BRWD1: variants seen among roughly 807,000 people sequenced by gnomAD.
The protein encoded by BRWD1 is bromodomain and WD repeat-containing protein 1.
BRWD1 carries 82 observed loss-of-function variants against 251.2 expected under a neutral mutation model. The observed-to-expected ratio is 0.33, with a 90% CI of 0.27 to 0.39. The LOEUF is 0.39. Ranked by LOEUF, BRWD1 falls within the 10% of genes least tolerant of loss-of-function variation. The pLI is 1.00. For missense variants in BRWD1, 2,233 were observed against 2,711.6 expected (o/e 0.82, Z 3.92); for synonymous variants, 918 against 902.8 (o/e 1.02, Z -0.30).
upstream of BRWD1, among the ~76,000 whole-genome samples, chr21:39,317,876 C>T (rs1321471811): frequency 6.6e-6 from 1 of 152,008 alleles, no homozygotes; most frequent in Non-Finnish European, 1.5e-5. Context: ...TAGTGAGACC[C>T]TCTCTCTACA....
rs568631309 is a variant in BRWD1 at position 39,313,430 on chromosome 21, C to G, written c.49+13G>C. 1.4e-6 allele frequency: 2 copies of G among 1,428,272 alleles called. No homozygotes were observed. Among genetic ancestry groups the G allele is most frequent in the South Asian group, 2.9e-5 (2 of 68,350 alleles). 88.5% of individuals were successfully genotyped at this position (1,428,272 alleles called of 1,614,324 possible). A position where few individuals can be genotyped will look rare whatever the true frequency, so the allele number is the denominator to read the frequency against. ...GAGCGCCAGGGCGGGGGTGGCACGG[C>G]CTCGCGTCTTACCCGACTCGATGAG... is the stretch of plus-strand genomic sequence containing the variant. On this transcript the variant is annotated intron_variant, in intron 1 of 40. Coordinates refer to ENST00000342449, the MANE Select transcript of BRWD1 (RefSeq NM_033656.4).
At chr21:39,238,821 A>C (rs913853555) in intron 21 of BRWD1, among the ~76,000 whole-genome samples, 1 of 152,242 alleles carries the variant, frequency 6.6e-6, no homozygotes, top group African/African-American at 2.4e-5. Context: ...AAAGAAAGTG[A>C]TACAACAGGC....
intron 4 of BRWD1, 59 bp downstream of exon 4, chr21:39,312,782 G>A: frequency 5.6e-6 from 8 of 1,425,572 alleles, no homozygotes; most frequent in Non-Finnish European, 6.8e-6. Flanking sequence ...CGAGGGGAAG[G>A]GGCGGGGGCG....
chr21:39,233,493 T>G (rs557009138), intron 23 of BRWD1, among the ~76,000 whole-genome samples: 1 of 152,086 alleles, frequency 6.6e-6, no homozygotes, highest in South Asian at 2.1e-4. Context: ...GAGACAAGTA[T>G]GAAGACAGAC....
intron 26 of BRWD1, 48 bp from the exon 27 acceptor site, chr21:39,228,630 T>G (rs375381901): frequency 3.6e-6 from 4 of 1,108,318 alleles, no homozygotes; most frequent in Non-Finnish European, 5.5e-6. Context: ...TAGCAGGTTA[T>G]ATAGTCTAAA....
chr21:39,269,075 G>A (rs529529642), intron 15 of BRWD1, among the ~76,000 whole-genome samples: 2 of 152,152 alleles, frequency 1.3e-5, no homozygotes, highest in South Asian at 4.2e-4. Flanking sequence ...CTGGATTCTG[G>A]TCTACGGAGC....
intron 32 of BRWD1, among the ~76,000 whole-genome samples, 153 bp from the exon 33 acceptor site, chr21:39,213,706 C>T (rs1197077868): frequency 1.3e-5 from 2 of 152,084 alleles, no homozygotes; most frequent in Non-Finnish European, 2.9e-5. Context: ...CCTTTGTAAA[C>T]GTAACTAGCC....
At chr21:39,209,291 T>A (rs2032550430) in intron 36 of BRWD1, among the ~76,000 whole-genome samples, 1 of 150,778 alleles carries the variant, frequency 6.6e-6, no homozygotes. Context: ...ACCTTTTCTT[T>A]AAAAAAAAAT....
chr21:39,264,173 T>C (rs191412221), intron 17 of BRWD1, among the ~76,000 whole-genome samples: 188 of 152,244 alleles, frequency 1.2e-3, no homozygotes, highest in African/African-American at 4.2e-3. Context: ...CTGGAAATTT[T>C]TGGTTACACA....
chr21:39,312,980 GCGGGCGGCGGGCGGGGGGCGC>G, intron 3 of BRWD1, 71 bp downstream of exon 3: 5 of 780,856 alleles, frequency 6.4e-6, no homozygotes, highest in Non-Finnish European at 8.2e-6. Flanking sequence ...GGGGCGGGCG[GCGGGCGGCGGGCGGGGGGCGC>G]GGGCGAGCAT....
chr21:39,188,120 C>A lies in BRWD1; in HGVS notation c.*8139G>T, dbSNP rs2031349992. On this transcript the variant is annotated 3_prime_UTR_variant, in exon 41 of 41. Coordinates refer to ENST00000342449, the MANE Select transcript of BRWD1 (RefSeq NM_033656.4). ...GCTCAGATATGTTTGTTACCAGTGT[C>A]TCAAAGCCAAATTTTCAAATTTCAC... The A allele has an allele frequency of 1.0e-6, 1 of 985,398 alleles. No individual in the cohort carries two copies. Among genetic ancestry groups the A allele is most frequent in the East Asian group, 1.1e-4 (1 of 8,814 alleles). The allele number at this position is 985,398 out of a possible 1,614,324, so 61.0% of individuals were successfully genotyped here.
rs771632434 is a variant in BRWD1, at chr21:39,264,478, G to A, written c.1867C>T (p.Leu623=). Reference sequence around the variant, plus strand: ...CACTTACTTGTTGCCACATAGCCCAGCTGTGGAATCAAATGTTCATCTGCA... The same window carrying A: ...CACTTACTTGTTGCCACATAGCCCAACTGTGGAATCAAATGTTCATCTGCA... ...NSADEHLIPQ[L]GYVATSDGEV... The change falls in exon 17 of 41, where the codon CTG becomes TTG. Residue 623 remains leucine, a synonymous_variant. Coordinates refer to ENST00000342449, the MANE Select transcript of BRWD1 (RefSeq NM_033656.4). The A allele has an allele frequency of 3.7e-6, 6 of 1,601,938 alleles. No individual in the cohort carries two copies. The highest frequency in any genetic ancestry group is 5.1e-6 in the Non-Finnish European group (6 of 1,175,594).
At chr21:39,262,409 G>A (rs571602955) in intron 17 of BRWD1, among the ~76,000 whole-genome samples, 13 of 152,258 alleles carry the variant, frequency 8.5e-5, no homozygotes, top group Admixed American at 8.5e-4. Flanking sequence ...AGTCAAAGAA[G>A]CCAGACACAA....
At chr21:39,213,413 A>T in intron 33 of BRWD1, 68 bp downstream of exon 33, 1 of 408,122 alleles carries the variant, frequency 2.5e-6, no homozygotes, top group Non-Finnish European at 3.3e-6. Flanking sequence ...CAAAGCCAAC[A>T]TTTTCTTCAC....
intron 4 of BRWD1, among the ~76,000 whole-genome samples, chr21:39,306,072 CTT>C (rs1294724280): frequency 2.0e-4 from 27 of 136,306 alleles, no homozygotes; most frequent in Non-Finnish European, 2.1e-4. Flanking sequence ...CTTTAAGTAT[CTT>C]TTTTTTTTTT....
chr21:39,234,960 T>G (rs1257032737), intron 23 of BRWD1, among the ~76,000 whole-genome samples: 1 of 152,152 alleles, frequency 6.6e-6, no homozygotes, highest in Non-Finnish European at 1.5e-5. Flanking sequence ...GACTAAAAAT[T>G]ACAGCAATGG....
intron 21 of BRWD1, 53 bp from the exon 22 acceptor site, chr21:39,238,626 T>C: frequency 1.6e-6 from 2 of 1,257,946 alleles, no homozygotes; most frequent in South Asian, 2.4e-5. Context: ...AAACAACACA[T>C]GTCCAGAAAA....
chr21:39,207,451 AACACACACACAC>A (rs58765400), intron 36 of BRWD1, among the ~76,000 whole-genome samples: 7 of 131,288 alleles, frequency 5.3e-5, no homozygotes, highest in South Asian at 2.4e-4. Context: ...AAAAAAAGAA[AACACACACACAC>A]ACACACACAC....
At chr21:39,229,813 A>G (rs1239201970) in intron 25 of BRWD1, among the ~76,000 whole-genome samples, 1 of 152,192 alleles carries the variant, frequency 6.6e-6, no homozygotes, top group Non-Finnish European at 1.5e-5. Flanking sequence ...GGCTCACTGC[A>G]ATCTCAAACT....
Sources: gnomAD v4.1 joint callset for allele counts (sites outside exome capture counted in the v4.1 genomes callset) on GRCh38, gnomAD v4.1.1 for gene constraint, MANE v1.5 for transcripts, NCBI Gene and HGNC (gene_info 2026-07-23, HGNC 2026-07-21) for gene names.